The following ACAN variants were observed in gnomAD, a reference collection of about 807,000 sequenced individuals.
ACAN encodes the protein aggrecan core protein.
ACAN carries 47 observed loss-of-function variants against 169.1 expected under a neutral mutation model. The ratio of observed to expected loss-of-function variants is 0.28; its 90% confidence interval spans 0.22 to 0.35. ACAN has a LOEUF of 0.35. ACAN is among the 10% of genes least tolerant of loss of function. The probability of loss-of-function intolerance (pLI) is 1.00; values close to 1 mark genes in which losing one functional copy is unlikely to be tolerated. For synonymous variants in ACAN, 1,115 were observed against 1,112.2 expected (o/e 1.00, Z -0.05); for missense variants, 2,716 against 2,759.9 (o/e 0.98, Z 0.36).
Position 88,855,123 on chromosome 15 carries a change from C to T in ACAN, c.2538C>T (p.Pro846=), listed in dbSNP as rs764257241. The T allele has an allele frequency of 6.2e-7, 1 of 1,607,156 alleles. No individual in the cohort carries two copies. The highest frequency in any genetic ancestry group is 1.7e-4 in the Middle Eastern group (1 of 6,020). Residue 846 remains proline (P), a synonymous_variant, in exon 12 of 19, where the codon CCC becomes CCT. Transcript: ENST00000560601. ...CGGAAGAGCCGTATACACCTTCACC[C>T]CCCGTGCCCAGCTGGACTGAGCTGC... ...SASEEPYTPS[P]PVPSWTELPS... is the part of the protein sequence containing the mutation.
Position 88,874,176 on chromosome 15 carries a change from C to T in ACAN, c.7630+152C>T, listed in dbSNP as rs1897455198. On this transcript the variant is annotated intron_variant, in intron 18 of 18. Transcript: ENST00000560601. This position sits in a 1 kb window ranked among gnomAD's most constrained non-coding sequence, Gnocchi z 7.3. Reference sequence around the variant, plus strand: ...GGCTGCTCAGTCACAAATAGCTGACCACTGCCCTTAGAAGGGCCACGTACT... The same window carrying T: ...GGCTGCTCAGTCACAAATAGCTGACTACTGCCCTTAGAAGGGCCACGTACT... 8.6e-7 allele frequency: 1 copy of T among 1,158,766 alleles called. No individual in the cohort carries two copies. Among genetic ancestry groups the T allele is most frequent in the Non-Finnish European group, 1.2e-6 (1 of 804,586 alleles). 71.8% of individuals were successfully genotyped at this position (1,158,766 alleles called of 1,614,324 possible).
intron 12 of ACAN, among the ~76,000 whole-genome samples, 164 bp downstream of exon 12, chr15:88,859,581 T>C (rs1437794539): frequency 1.3e-5 from 2 of 152,228 alleles, no homozygotes; most frequent in Non-Finnish European, 2.9e-5. Context: ...GCCTCATCTG[T>C]AACGTAAGAG....
Position 88,859,364 on chromosome 15 carries a change from C to T in ACAN, c.6779C>T (p.Ala2260Val). Residue 2260 changes from alanine to valine, a missense_variant, in exon 12 of 19, where the codon GCT (alanine) becomes GTT (valine). Around this residue, in one of 3 missense-constraint regions of ACAN, gnomAD observed 1,389 missense variants for 1,363.7 expected, o/e 1.02. Transcript: ENST00000560601. ...TVETATSPTDASIPASPEWKR... is the reference protein window; with the variant it reads ...TVETATSPTDVSIPASPEWKR... ...GAAACAGCCACCTCCCCAACAGATG[C>T]TTCCATCCCAGCTTCTCCGGAATGG... 5.7e-6 allele frequency: 9 copies of T among 1,589,808 alleles called. No homozygotes were observed. The highest frequency in any genetic ancestry group is 1.1e-5 in the South Asian group (1 of 88,012).
chr15:88,847,224 C>G lies in ACAN; in HGVS notation c.1430-19C>G. On this transcript the variant is annotated intron_variant, in intron 7 of 18. Coordinates refer to ENST00000560601, the MANE Select transcript of ACAN (RefSeq NM_001369268.1). ...CACCGTGGGTCCCTGAACCTGACCGCTCCCTCCTCCCCACCCAGGGGTCGT... is the reference window on the plus strand; with the variant it reads ...CACCGTGGGTCCCTGAACCTGACCGGTCCCTCCTCCCCACCCAGGGGTCGT... 6.5e-7 allele frequency: 1 copy of G among 1,531,978 alleles called. No homozygotes were observed. 94.9% of individuals were successfully genotyped at this position (1,531,978 alleles called of 1,614,324 possible).
chr15:88,818,016 C>G lies in ACAN; in HGVS notation c.-8+14207C>G, dbSNP rs1164775315. On this transcript the variant is annotated intron_variant, in intron 1 of 18. Transcript: ENST00000560601. ...CAGAAAAATAGAATGGAATTGTATT[C>G]TATGTGTTATTTTGCAGTTTACTTT... is the stretch of plus-strand genomic sequence containing the variant. Among the ~76,000 whole-genome samples, 11 of 152,130 alleles carry G rather than the reference C, an allele frequency of 7.2e-5. No individual in the cohort carries two copies. In the South Asian group the frequency reaches 8.3e-4, roughly 12 times the overall value.
rs762207698 is a variant in ACAN, at chr15:88,872,084, T to C, written c.7301T>C (p.Met2434Thr). 2.5e-6 allele frequency: 4 copies of C among 1,613,530 alleles called. No homozygotes were observed. The highest frequency in any genetic ancestry group is 1.1e-5 in the South Asian group (1 of 91,076). Residue 2434 changes from methionine to threonine, a missense_variant and splice_region_variant, in exon 16 of 19, where the codon ATG becomes ACG. Coordinates refer to ENST00000560601, the MANE Select transcript of ACAN (RefSeq NM_001369268.1). This position sits in a 1 kb window ranked among gnomAD's most constrained non-coding sequence, Gnocchi z 5.4. ...TTCCGCTGGTCAGATGGACACCCCA[T>C]GGTGAGTTCTGCTGTAGGCACAGCT... ...GDFRWSDGHP[M>T]QFENWRPNQP... is the part of the protein sequence containing the mutation.
chr15:88,842,240 G>A (rs780550655), intron 5 of ACAN, among the ~76,000 whole-genome samples: 11 of 152,046 alleles, frequency 7.2e-5, no homozygotes, highest in Non-Finnish European at 1.5e-4. Flanking sequence ...CCTTACCCTC[G>A]CAAGCGACAC....
At chr15:88,808,047 G>T (rs557951095) in intron 1 of ACAN, among the ~76,000 whole-genome samples, 2 of 152,248 alleles carry the variant, frequency 1.3e-5, no homozygotes, top group East Asian at 3.9e-4. Flanking sequence ...TGGGGGCGGG[G>T]GTGCCTGTCT....
chr15:88,845,447 T>A, intron 6 of ACAN, 58 bp from the exon 7 acceptor site: 1 of 1,539,128 alleles, frequency 6.5e-7, no homozygotes, highest in African/African-American at 1.4e-5. Context: ...CCACTCCTCA[T>A]CCCCCTCAAG....
intron 5 of ACAN, among the ~76,000 whole-genome samples, chr15:88,842,744 T>C (rs3825996): frequency 0.53 from 80,807 of 152,128 alleles, 21,829 homozygotes; most frequent in African/African-American, 0.58. Context: ...GAGCTGCCAC[T>C]GAGCAGGGGT....
chr15:88,873,502 C>CTTTCAGTCTCCTGAA lies in ACAN; in HGVS notation c.7448-340_7448-339insTTTCAGTCTCCTGAA, dbSNP rs1897431121. ...CCCCTGCTCACCACCTTGCGTCCCC[C>CTTTCAGTCTCCTGAA]AGGCCTCCTTTCAGTCTCATTTTCC... On this transcript the variant is annotated intron_variant, in intron 17 of 18. Transcript: ENST00000560601. This position sits in a 1 kb window ranked among gnomAD's most constrained non-coding sequence, Gnocchi z 7.5. Among the ~76,000 whole-genome samples the CTTTCAGTCTCCTGAA allele has an allele frequency of 6.6e-6, 1 of 152,216 alleles. No individual in the cohort carries two copies.
Position 88,839,224 on chromosome 15 carries a change from G to GACTT in ACAN, c.454+180_454+183dup, listed in dbSNP as rs1379212779. On this transcript the variant is annotated intron_variant, in intron 3 of 18. Transcript: ENST00000560601. This position sits in a 1 kb window ranked among gnomAD's most constrained non-coding sequence, Gnocchi z 4.5. ...GGAGCTGGTAATATCATTCTCTCTG[G>GACTT]ACTTAGGGAGCATTAAATACTTCCT... Among the ~76,000 whole-genome samples the GACTT allele has an allele frequency of 2.0e-5, 3 of 152,220 alleles. No individual in the cohort carries two copies. The highest frequency in any genetic ancestry group is 4.4e-5 in the Non-Finnish European group (3 of 68,048).
At chr15:88,822,114 C>T (rs1478251028) in intron 1 of ACAN, among the ~76,000 whole-genome samples, 1 of 152,228 alleles carries the variant, frequency 6.6e-6, no homozygotes, top group Non-Finnish European at 1.5e-5. Flanking sequence ...ATAGACATGG[C>T]TGACCTTAGT....
At chr15:88,842,511 TC>T (rs1555454246) in intron 5 of ACAN, among the ~76,000 whole-genome samples, 1 of 149,432 alleles carries the variant, frequency 6.7e-6, no homozygotes, top group East Asian at 2.0e-4. Flanking sequence ...TCCCTGCCCA[TC>T]CCCCCTCCCC....
intron 8 of ACAN, 79 bp downstream of exon 8, chr15:88,847,496 A>G (rs1896825146): frequency 2.1e-6 from 3 of 1,412,336 alleles, no homozygotes; most frequent in Non-Finnish European, 1.9e-6. Context: ...CACCGCCCCC[A>G]GCACACTGAG....
chr15:88,838,353 T>C lies in ACAN; in HGVS notation c.71-310T>C, dbSNP rs73459248. Among the ~76,000 whole-genome samples the C allele has an allele frequency of 3.2e-3, 480 of 152,278 alleles. No homozygotes were observed. Among genetic ancestry groups the C allele is most frequent in the African/African-American group, 0.011 (453 of 41,572 alleles). On this transcript the variant is annotated intron_variant, in intron 2 of 18. Coordinates refer to ENST00000560601, the MANE Select transcript of ACAN (RefSeq NM_001369268.1). The surrounding 1 kb of genome is among the most constrained non-coding windows in gnomAD (Gnocchi z 5.1). ...TTTGGTGCCCACTGCAGTACCCCAG[T>C]TTGAGAAACAGGGAGTTGGTCCTGA...
Position 88,827,171 on chromosome 15 carries a change from A to AG in ACAN, c.-7-9024dup, listed in dbSNP as rs368386992. ...TGCCCACTGTTGCCTGAAGATAGAG[A>AG]GGGGGTGACTGCCCTCCCTGACCAC... is the stretch of plus-strand genomic sequence containing the variant. On this transcript the variant is annotated intron_variant, in intron 1 of 18. Coordinates refer to ENST00000560601, the MANE Select transcript of ACAN (RefSeq NM_001369268.1). Among the ~76,000 whole-genome samples, 239 of 152,212 alleles carry AG rather than the reference A, an allele frequency of 1.6e-3. 4 individuals are homozygous for AG. In the East Asian group the frequency reaches 0.038, roughly 24 times the overall value.
rs763186710 is a variant in ACAN at position 88,874,453 on chromosome 15, G to A, written c.7679G>A (p.Arg2560Gln). The change falls in exon 19 of 19, where the codon CGG becomes CAG. Residue 2560 changes from arginine to glutamine, a missense_variant. Coordinates refer to ENST00000560601, the MANE Select transcript of ACAN (RefSeq NM_001369268.1). This position sits in a 1 kb window ranked among gnomAD's most constrained non-coding sequence, Gnocchi z 7.3. ...RLQKRSSRHPRRSRPSTAH is the reference protein window; with the variant it reads ...RLQKRSSRHPQRSRPSTAH ...CAGAAGCGGAGCTCACGGCACCCTC[G>A]GAGGAGCCGCCCCAGCACAGCCCAC... 3.7e-6 allele frequency: 6 copies of A among 1,606,496 alleles called. No individual in the cohort carries two copies. Among genetic ancestry groups the A allele is most frequent in the East Asian group, 2.2e-5 (1 of 44,510 alleles).
intron 1 of ACAN, among the ~76,000 whole-genome samples, chr15:88,815,272 G>C (rs969860640): frequency 3.3e-5 from 5 of 152,004 alleles, no homozygotes; most frequent in African/African-American, 1.2e-4. Context: ...CAAGTAGAAG[G>C]GGAAGACCAG....
Sources: allele counts gnomAD v4.1 joint callset (sites outside exome capture counted in the v4.1 genomes callset), GRCh38; gene constraint gnomAD v4.1.1; regional missense constraint gnomAD v4.1.1; non-coding constraint Gnocchi (gnomAD v3.1); transcripts MANE v1.5; gene names NCBI Gene and HGNC (gene_info 2026-07-23, HGNC 2026-07-21).